The following DRC8 variants were observed in gnomAD, a reference collection of about 807,000 sequenced individuals.
DRC8 encodes the protein dynein regulatory complex subunit 8, also known as dynein regulatory complex protein 8.
chr1:245,015,022 T>C, the DRC8 span, among the ~76,000 whole-genome samples: 9 of 152,354 alleles, frequency 5.9e-5, no homozygotes, highest in African/African-American at 2.2e-4. Flanking sequence ...TACTATTGGG[T>C]GGTATTATAT....
chr1:245,009,642 T>C, the DRC8 span, among the ~76,000 whole-genome samples: 1 of 151,290 alleles, frequency 6.6e-6, no homozygotes. Flanking sequence ...TAATTTTTTG[T>C]ACATTTAGTA....
chr1:245,022,306 A>C, the DRC8 span, among the ~76,000 whole-genome samples: 1 of 150,618 alleles, frequency 6.6e-6, no homozygotes, highest in Non-Finnish European at 1.5e-5. Context: ...GGTGTGTGCC[A>C]CCACCCCCGG....
At chr1:245,111,228 A>G in the DRC8 span, among the ~76,000 whole-genome samples, 1 of 152,108 alleles carries the variant, frequency 6.6e-6, no homozygotes, top group Non-Finnish European at 1.5e-5. Context: ...TCCTTTCTTC[A>G]CCCAGGTCTG....
chr1:245,040,360 C>T, the DRC8 span, among the ~76,000 whole-genome samples: 1 of 152,158 alleles, frequency 6.6e-6, no homozygotes, highest in South Asian at 2.1e-4. Context: ...TTTTCTCTGC[C>T]ACTACTTTTC....
At chr1:245,100,203 G>A in the DRC8 span, among the ~76,000 whole-genome samples, 2 of 152,018 alleles carry the variant, frequency 1.3e-5, no homozygotes, top group Non-Finnish European at 2.9e-5. Context: ...TGACCAATAT[G>A]GTGAAACCCA....
the DRC8 span, among the ~76,000 whole-genome samples, chr1:245,040,473 T>A: frequency 6.6e-6 from 1 of 152,212 alleles, no homozygotes; most frequent in African/African-American, 2.4e-5. Flanking sequence ...TTTCCAATTT[T>A]GCCCCAGACT....
chr1:245,110,543 A>G, the DRC8 span, among the ~76,000 whole-genome samples: 1,937 of 152,398 alleles, frequency 0.013, 52 homozygotes, highest in African/African-American at 0.043. Flanking sequence ...TGGGCAGGAA[A>G]GAAATAAGAA....
the DRC8 span, chr1:245,015,787 C>G: frequency 4.1e-6 from 1 of 245,746 alleles, no homozygotes; most frequent in Non-Finnish European, 8.2e-6. Flanking sequence ...ACCATTCTGG[C>G]CCACATCTCT....
At chr1:245,039,469 C>T in the DRC8 span, among the ~76,000 whole-genome samples, 1 of 135,870 alleles carries the variant, frequency 7.4e-6, no homozygotes, top group Non-Finnish European at 1.6e-5. Context: ...TGAGACGCTG[C>T]CTCTTAAAAA....
the DRC8 span, among the ~76,000 whole-genome samples, chr1:245,038,449 G>A: frequency 7.4e-5 from 11 of 148,216 alleles, no homozygotes; most frequent in African/African-American, 2.8e-4. Context: ...CAGCCTGGGT[G>A]ACAGAGTGAG....
chr1:245,022,720 CGTGTGT>C, the DRC8 span, among the ~76,000 whole-genome samples: 1 of 150,506 alleles, frequency 6.6e-6, no homozygotes, highest in South Asian at 2.1e-4. Flanking sequence ...TGTGCGTGTG[CGTGTGT>C]GTGTGTGTGC....
At chr1:245,021,364 A>G in the DRC8 span, among the ~76,000 whole-genome samples, 2 of 152,158 alleles carry the variant, frequency 1.3e-5, no homozygotes, top group East Asian at 1.9e-4. Context: ...CTCTTAGAAC[A>G]ATATTAGCTT....
At chr1:245,097,706 A>G in the DRC8 span, among the ~76,000 whole-genome samples, 3 of 152,132 alleles carry the variant, frequency 2.0e-5, no homozygotes, top group African/African-American at 4.8e-5. This position sits in a 1 kb window ranked among gnomAD's most constrained non-coding sequence, Gnocchi z 5.0. Flanking sequence ...GGTGAGAGTG[A>G]TGGGGTACTG....
At chr1:245,079,583 A>ATT in the DRC8 span, among the ~76,000 whole-genome samples, 5,663 of 152,284 alleles carry the variant, frequency 0.037, 153 homozygotes, top group Non-Finnish European at 0.057. Context: ...TGGAGACGGA[A>ATT]TTATAGAGTT....
the DRC8 span, among the ~76,000 whole-genome samples, chr1:245,064,671 A>G: frequency 3.9e-5 from 6 of 152,338 alleles, no homozygotes; most frequent in East Asian, 9.6e-4. Context: ...TGGAAATAGA[A>G]TTCTACATTC....
At chr1:244,975,488 C>T in the DRC8 span, among the ~76,000 whole-genome samples, 1 of 152,098 alleles carries the variant, frequency 6.6e-6, no homozygotes, top group Non-Finnish European at 1.5e-5. Flanking sequence ...ATAATTATAC[C>T]CCCAATATTT....
the DRC8 span, among the ~76,000 whole-genome samples, chr1:245,041,537 T>C: frequency 1.3e-5 from 2 of 152,176 alleles, no homozygotes; most frequent in South Asian, 2.1e-4. Context: ...GCAAGCTTGG[T>C]GGTGGCAGTA....
the DRC8 span, among the ~76,000 whole-genome samples, chr1:245,097,129 T>C: frequency 1.2e-4 from 19 of 152,204 alleles, no homozygotes; most frequent in African/African-American, 4.6e-4. This position sits in a 1 kb window ranked among gnomAD's most constrained non-coding sequence, Gnocchi z 5.0. Flanking sequence ...TTTCCTAAAC[T>C]TGTGACCTCA....
the DRC8 span, among the ~76,000 whole-genome samples, chr1:244,983,805 A>G: frequency 6.6e-6 from 1 of 151,966 alleles, no homozygotes; most frequent in Non-Finnish European, 1.5e-5. Context: ...TTAACCTAAC[A>G]TTAATACTTA....
Sources: allele counts gnomAD v4.1 joint callset (sites outside exome capture counted in the v4.1 genomes callset), GRCh38; gene constraint gnomAD v4.1.1; non-coding constraint Gnocchi (gnomAD v3.1); transcripts MANE v1.5; gene names NCBI Gene and HGNC (gene_info 2026-07-23, HGNC 2026-07-21).